MCM3AP: variants seen among roughly 807,000 people sequenced by gnomAD.
MCM3AP encodes the protein germinal-center associated nuclear protein.
Under a neutral mutation model 184.1 loss-of-function variants are expected in MCM3AP, and 126 were observed. That is an observed-to-expected ratio of 0.68 (90% CI 0.59 to 0.79). MCM3AP has a LOEUF of 0.79. MCM3AP is among the 30% of genes least tolerant of loss of function. The probability of loss-of-function intolerance (pLI) is 0.00; values close to 1 mark genes in which losing one functional copy is unlikely to be tolerated. For missense variants in MCM3AP, 2,496 were observed against 2,479.2 expected (o/e 1.01, Z -0.14); for synonymous variants, 1,002 against 979.3 (o/e 1.02, Z -0.43).
chr21:46,272,741 A>G lies in MCM3AP; in HGVS notation c.2285T>C (p.Met762Thr). ...TRFHIHCAHFMCEEPMSSFDA... is the reference protein window; with the variant it reads ...TRFHIHCAHFTCEEPMSSFDA... Reference sequence around the variant, plus strand: ...AAAGGAGGACATGGGCTCCTCACACATGAAGTGGGCACAGTGGATGTGAAA... The same window carrying G: ...AAAGGAGGACATGGGCTCCTCACACGTGAAGTGGGCACAGTGGATGTGAAA... Residue 762 changes from methionine to threonine, a missense_variant, in exon 8 of 28, where the codon ATG becomes ACG. Met to Thr is a moderately conservative substitution (Grantham distance 81). This residue lies in a region of MCM3AP where 105 missense variants were observed against 97.1 expected (regional missense o/e 1.08). Coordinates refer to ENST00000291688, the MANE Select transcript of MCM3AP (RefSeq NM_003906.5). 6.2e-7 allele frequency: 1 copy of G among 1,614,094 alleles called. No homozygotes were observed. The highest frequency in any genetic ancestry group is 8.5e-7 in the Non-Finnish European group (1 of 1,179,996).
intron 20 of MCM3AP, among the ~76,000 whole-genome samples, chr21:46,248,749 GAA>G (rs2080819540): frequency 6.6e-6 from 1 of 151,978 alleles, no homozygotes; most frequent in Non-Finnish European, 1.5e-5. Context: ...ATGATAAAAA[GAA>G]AGAGGAAATA....
Position 46,272,884 on chromosome 21 carries a change from C to T in MCM3AP, c.2197-55G>A, listed in dbSNP as rs2839188. The T allele has an allele frequency of 0.36, 535,773 of 1,491,658 alleles. 98,882 individuals are homozygous for T. Among genetic ancestry groups the T allele is most frequent in the Admixed American group, 0.45 (19,989 of 44,524 alleles). The allele number at this position is 1,491,658 out of a possible 1,614,324, so 92.4% of individuals were successfully genotyped here. A position where few individuals can be genotyped will look rare whatever the true frequency, so the allele number is the denominator to read the frequency against. ...ACACATTCCCATGCAAAGAGGCAAC[C>T]GTGAGAAGGATCATGCTACGACCTC... On this transcript the variant is annotated intron_variant, in intron 7 of 27. Transcript: ENST00000291688.
At chr21:46,239,669 G>A (rs2123805776) in intron 26 of MCM3AP, among the ~76,000 whole-genome samples, 1 of 152,330 alleles carries the variant, frequency 6.6e-6, no homozygotes, top group African/African-American at 2.4e-5. Context: ...ATGTTCAAGT[G>A]TGGAGTTCAG....
chr21:46,285,117 C>G lies in MCM3AP; in HGVS notation c.170G>C (p.Ser57Thr). 1 of 1,614,174 alleles carries G rather than the reference C, an allele frequency of 6.2e-7. No individual in the cohort carries two copies. Among genetic ancestry groups the G allele is most frequent in the Non-Finnish European group, 8.5e-7 (1 of 1,180,028 alleles). Reference protein sequence around the residue: ...GKSSGFSQVSSFPASSGVSHS... With the variant: ...GKSSGFSQVSTFPASSGVSHS... Reference sequence around the variant, plus strand: ...ACTTACTCCAGAAGACGCTGGAAAGCTGGATACCTGTGAAAATCCCGAGCT... The same window carrying G: ...ACTTACTCCAGAAGACGCTGGAAAGGTGGATACCTGTGAAAATCCCGAGCT... The change falls in exon 1 of 28, where the codon AGC becomes ACC. Residue 57 changes from serine to threonine, a missense_variant. Physicochemically the swap from Ser to Thr is moderately conservative, Grantham distance 58 (BLOSUM62 1). Transcript: ENST00000291688.
intron 25 of MCM3AP, chr21:46,242,264 G>A (rs2123815874): frequency 6.6e-6 from 1 of 152,432 alleles, no homozygotes; most frequent in South Asian, 2.1e-4. Flanking sequence ...CTACCAAGAA[G>A]CATGTTTTTT....
chr21:46,252,682 TA>T (rs748728203), intron 19 of MCM3AP: 789 of 137,592 alleles, frequency 5.7e-3, no homozygotes, highest in Admixed American at 5.8e-3. Flanking sequence ...AGACTCCATC[TA>T]AAAAAAAAAA....
chr21:46,255,567 C>G (rs762169161), intron 17 of MCM3AP, among the ~76,000 whole-genome samples: 3 of 152,040 alleles, frequency 2.0e-5, no homozygotes, highest in Non-Finnish European at 4.4e-5. Context: ...GGTTTGTGCC[C>G]TAAGCGCAGG....
intron 13 of MCM3AP, among the ~76,000 whole-genome samples, chr21:46,263,158 G>A (rs1039165275): frequency 6.6e-6 from 1 of 151,358 alleles, no homozygotes; most frequent in Non-Finnish European, 1.5e-5. Context: ...GTGAAACCCT[G>A]TCTCTACTAA....
chr21:46,261,444 C>A, intron 13 of MCM3AP, 33 bp from the exon 14 acceptor site: 1 of 1,609,148 alleles, frequency 6.2e-7, no homozygotes, highest in South Asian at 1.1e-5. Flanking sequence ...CATTCAAAAT[C>A]AGAGTCAAGG....
chr21:46,276,457 T>C (rs1439704321), intron 5 of MCM3AP, among the ~76,000 whole-genome samples: 1 of 152,144 alleles, frequency 6.6e-6, no homozygotes, highest in East Asian at 1.9e-4. Context: ...TTTTTTCTTT[T>C]TGAGATGGAG....
chr21:46,274,080 GAT>G (rs2081224163), intron 6 of MCM3AP, among the ~76,000 whole-genome samples: 1 of 152,240 alleles, frequency 6.6e-6, no homozygotes, highest in African/African-American at 2.4e-5. Flanking sequence ...AAGAGGCAGA[GAT>G]GTACACAGGA....
At chr21:46,254,137 C>T (rs1330471823) in intron 19 of MCM3AP, 2 of 510,940 alleles carry the variant, frequency 3.9e-6, no homozygotes, top group African/African-American at 3.8e-5. Flanking sequence ...ATAAAGTACC[C>T]AGTCTCAGAT....
intron 9 of MCM3AP, 149 bp downstream of exon 9, chr21:46,270,252 A>C: frequency 1.4e-6 from 1 of 693,714 alleles, no homozygotes. Context: ...AAACAGGGCA[A>C]CACCGGTAAC....
At chr21:46,258,917 C>T (rs757280911) in intron 16 of MCM3AP, 22 bp downstream of exon 16, 4 of 1,613,620 alleles carry the variant, frequency 2.5e-6, no homozygotes, top group East Asian at 2.2e-5. Flanking sequence ...GTGGATTTTG[C>T]CTGTAGGAAC....
intron 5 of MCM3AP, 149 bp from the exon 6 acceptor site, chr21:46,275,474 C>G: frequency 1.3e-6 from 1 of 745,766 alleles, no homozygotes; most frequent in Non-Finnish European, 2.1e-6. Context: ...AAACTCAGAG[C>G]CTCAGACAAA....
At chr21:46,272,416 G>C in intron 8 of MCM3AP, 145 bp downstream of exon 8, 1 of 864,304 alleles carries the variant, frequency 1.2e-6, no homozygotes, top group Non-Finnish European at 1.8e-6. Context: ...TGCAAAGCCA[G>C]ACCAAGGTCC....
chr21:46,283,743 A>G lies in MCM3AP; in HGVS notation c.1315T>C (p.Cys439Arg), dbSNP rs2081362567. The change falls in exon 2 of 28, where the codon TGC becomes CGC. Residue 439 changes from cysteine to arginine, a missense_variant. Physicochemically the swap from Cys to Arg is radical, Grantham distance 180 (BLOSUM62 -3). This residue lies in a region of MCM3AP where 800 missense variants were observed against 717.1 expected (regional missense o/e 1.12). Coordinates refer to ENST00000291688, the MANE Select transcript of MCM3AP (RefSeq NM_003906.5). ...LSPSEVTAIQ[C>R]KNIPDYLNDR... ...TTGAGGTAGTCAGGGATGTTCTTGC[A>G]CTGGATGGCTGTGACTTCAGAGGGA... 1.9e-6 allele frequency: 3 copies of G among 1,614,114 alleles called. No homozygotes were observed. Among genetic ancestry groups the G allele is most frequent in the Non-Finnish European group, 2.5e-6 (3 of 1,179,964 alleles).
Position 46,284,265 on chromosome 21 carries a change from G to A in MCM3AP, c.1022C>T (p.Thr341Met), listed in dbSNP as rs141916218. The change falls in exon 1 of 28, where the codon ACG (threonine) becomes ATG (methionine). Residue 341 changes from threonine (T) to methionine (M), a missense_variant. Physicochemically the swap from Thr to Met is moderately conservative, Grantham distance 81. This residue lies in a region of MCM3AP where 800 missense variants were observed against 717.1 expected (regional missense o/e 1.12). Transcript: ENST00000291688. Reference sequence around the variant, plus strand: ...ATTGCTTTTGAAAACATCCTGTATCGTCCGACCAAATAAAGTACCTCCCCG... The same window carrying A: ...ATTGCTTTTGAAAACATCCTGTATCATCCGACCAAATAAAGTACCTCCCCG... Reference protein sequence around the residue: ...RPRGGTLFGRTIQDVFKSNKE... With the variant: ...RPRGGTLFGRMIQDVFKSNKE... 2.4e-5 allele frequency: 39 copies of A among 1,613,970 alleles called. No individual in the cohort carries two copies. Among genetic ancestry groups the A allele is most frequent in the Non-Finnish European group, 5.1e-6 (6 of 1,180,024 alleles).
intron 5 of MCM3AP, 39 bp from the exon 6 acceptor site, chr21:46,275,364 G>A (rs753063574): frequency 4.4e-6 from 7 of 1,576,220 alleles, no homozygotes; most frequent in Non-Finnish European, 1.7e-6. Context: ...TGTACCACAT[G>A]GTTAGCACGA....
Sources: allele counts gnomAD v4.1 joint callset (sites outside exome capture counted in the v4.1 genomes callset), GRCh38; gene constraint gnomAD v4.1.1; regional missense constraint gnomAD v4.1.1; transcripts MANE v1.5; gene names NCBI Gene and HGNC (gene_info 2026-07-23, HGNC 2026-07-21).